CDH18: variants seen among roughly 807,000 people sequenced by gnomAD.
CDH18 encodes cadherin 18.
Under a neutral mutation model 67.9 loss-of-function variants are expected in CDH18, and 31 were observed. The observed-to-expected ratio is 0.46, with a 90% CI of 0.34 to 0.62. CDH18 has a LOEUF of 0.62. CDH18 is among the 20% of genes least tolerant of loss of function. CDH18 has a pLI of 0.01. For synonymous variants in CDH18, 362 were observed against 347.2 expected, an observed-to-expected ratio of 1.04 and a Z score of -0.48; for missense variants, 890 against 975.5, an observed-to-expected ratio of 0.91 and a Z score of 1.17.
chr5:20,118,387 T>C (rs1748090700), intron 2 of CDH18, among the ~76,000 whole-genome samples: 1 of 152,180 alleles, frequency 6.6e-6, no homozygotes, highest in Non-Finnish European at 1.5e-5. Context: ...TAAGCAATAA[T>C]TATTGGCAGA....
At chr5:20,499,525 C>A (rs999145361) in intron 1 of CDH18, among the ~76,000 whole-genome samples, 19 of 152,200 alleles carry the variant, frequency 1.2e-4, no homozygotes, top group Admixed American at 1.2e-3. Context: ...TCCAACTAAT[C>A]CAAAATTATT....
At chr5:20,228,431 T>G (rs549783097) in intron 2 of CDH18, among the ~76,000 whole-genome samples, 1 of 152,250 alleles carries the variant, frequency 6.6e-6, no homozygotes, top group Non-Finnish European at 1.5e-5. Flanking sequence ...TAAATATACC[T>G]AATTAACACA....
At chr5:19,938,632 C>T (rs577993911) in intron 2 of CDH18, among the ~76,000 whole-genome samples, 4 of 151,504 alleles carry the variant, frequency 2.6e-5, no homozygotes, top group Non-Finnish European at 5.9e-5. Context: ...CTTTCTACTT[C>T]ATGCTTTGTT....
At position 19,967,941 on chromosome 5, in the gene CDH18, C is replaced by T. The variant is rs528957424; in HGVS notation, c.-257+13119G>A. Among the ~76,000 whole-genome samples the T allele has an allele frequency of 3.9e-5, 6 of 151,914 alleles. No individual in the cohort carries two copies. The South Asian group carries it at 1.2e-3, about 32-fold the overall frequency. ...TGACATGATTGTATATCTAGAAAAC[C>T]CCATTGTCTCAGCCCAAAATCTCCT... On this transcript the variant is annotated intron_variant, in intron 2 of 12. Coordinates refer to ENST00000382275, the MANE Select transcript of CDH18 (RefSeq NM_004934.5).
chr5:20,401,271 T>C (rs1215676750), intron 1 of CDH18, among the ~76,000 whole-genome samples: 1 of 152,344 alleles, frequency 6.6e-6, no homozygotes, highest in East Asian at 1.9e-4. Context: ...AATGAAACTA[T>C]GATTAATGAG....
At chr5:19,940,674 T>G (rs1470419048) in intron 2 of CDH18, among the ~76,000 whole-genome samples, 2 of 151,988 alleles carry the variant, frequency 1.3e-5, no homozygotes, top group Non-Finnish European at 2.9e-5. Context: ...TAGTTCCTTC[T>G]CAGTTTTCAT....
intron 1 of CDH18, among the ~76,000 whole-genome samples, chr5:20,412,664 A>T (rs1043312730): frequency 1.3e-5 from 2 of 152,196 alleles, no homozygotes; most frequent in Admixed American, 1.3e-4. Flanking sequence ...AAATTGTATT[A>T]AAAACTGGGC....
intron 2 of CDH18, among the ~76,000 whole-genome samples, chr5:19,962,200 G>A (rs193056966): frequency 6.6e-6 from 1 of 151,194 alleles, no homozygotes; most frequent in East Asian, 1.9e-4. Context: ...AATTATTTAT[G>A]GAATATTCTT....
chr5:19,739,757 T>C (rs1323421849), intron 4 of CDH18, among the ~76,000 whole-genome samples: 4 of 152,216 alleles, frequency 2.6e-5, no homozygotes, highest in African/African-American at 9.6e-5. Flanking sequence ...CTGTGCTTTA[T>C]TAAAATGATA....
chr5:19,618,312 T>C (rs1750157910), intron 5 of CDH18, among the ~76,000 whole-genome samples: 1 of 151,918 alleles, frequency 6.6e-6, no homozygotes, highest in Non-Finnish European at 1.5e-5. Context: ...TTCAAGTGAT[T>C]CCCCTGCGTT....
chr5:20,025,906 T>C (rs1019297957), intron 2 of CDH18, among the ~76,000 whole-genome samples: 1 of 152,228 alleles, frequency 6.6e-6, no homozygotes, highest in East Asian at 1.9e-4. Context: ...TGGTCCATTT[T>C]CCTAAGTAAT....
At chr5:20,160,583 A>C (rs189636380) in intron 2 of CDH18, among the ~76,000 whole-genome samples, 1 of 152,244 alleles carries the variant, frequency 6.6e-6, no homozygotes, top group Admixed American at 6.5e-5. Context: ...TCACTTGAAA[A>C]ATAACATTTT....
chr5:19,542,819 GTT>G (rs1297378094), intron 9 of CDH18, among the ~76,000 whole-genome samples: 1 of 151,906 alleles, frequency 6.6e-6, no homozygotes, highest in Non-Finnish European at 1.5e-5. Flanking sequence ...TAATAAAAAT[GTT>G]TTGAAATTGG....
intron 2 of CDH18, among the ~76,000 whole-genome samples, chr5:20,241,856 A>AT (rs1169385813): frequency 0.056 from 4,245 of 75,304 alleles, 283 homozygotes; most frequent in African/African-American, 0.24. Flanking sequence ...TGTCGCAAAA[A>AT]AAAAAAAAAT....
At chr5:19,679,406 C>G in intron 5 of CDH18, among the ~76,000 whole-genome samples, 1 of 151,900 alleles carries the variant, frequency 6.6e-6, no homozygotes, top group South Asian at 2.1e-4. Context: ...GACAAGCATG[C>G]CTGCTCTTGC....
At chr5:19,913,700 G>T (rs1791416792) in intron 2 of CDH18, among the ~76,000 whole-genome samples, 1 of 152,048 alleles carries the variant, frequency 6.6e-6, no homozygotes, top group Non-Finnish European at 1.5e-5. Flanking sequence ...GAATGATGCT[G>T]AGCTAAGATG....
At chr5:19,611,949 CGTGTGT>C (rs3062879) in intron 6 of CDH18, among the ~76,000 whole-genome samples, 2,440 of 139,100 alleles carry the variant, frequency 0.018, 67 homozygotes, top group African/African-American at 0.059. Flanking sequence ...TTGGATGATG[CGTGTGT>C]GTGTGTGTGT....
chr5:20,346,442 G>A (rs1287257541), intron 1 of CDH18, among the ~76,000 whole-genome samples: 1 of 152,078 alleles, frequency 6.6e-6, no homozygotes, highest in Non-Finnish European at 1.5e-5. Flanking sequence ...GGTACTTCTT[G>A]GGGTCCTTTA....
chr5:19,601,459 A>G (rs1264522910), intron 6 of CDH18, among the ~76,000 whole-genome samples: 2 of 152,184 alleles, frequency 1.3e-5, no homozygotes, highest in Non-Finnish European at 2.9e-5. Flanking sequence ...TCAATAAGCC[A>G]TCAAAAACTT....
Sources: allele counts gnomAD v4.1 joint callset (sites outside exome capture counted in the v4.1 genomes callset), GRCh38; gene constraint gnomAD v4.1.1; transcripts MANE v1.5; gene names NCBI Gene and HGNC (gene_info 2026-07-23, HGNC 2026-07-21).